The following CYB5R3 variants were observed in gnomAD, a reference collection of about 807,000 sequenced individuals.
CYB5R3 encodes the protein NADH-cytochrome b5 reductase 3.
CYB5R3 carries 28 observed loss-of-function variants against 36.5 expected under a neutral mutation model. The observed-to-expected ratio is 0.77, with a 90% CI of 0.57 to 1.05. The LOEUF (loss-of-function observed/expected upper bound fraction) is 1.05. CYB5R3 is among the 50% of genes least tolerant of loss of function. The pLI, the probability that CYB5R3 is intolerant of heterozygous loss-of-function variation, is 0.00. For missense variants in CYB5R3, 474 were observed against 408.9 expected, an observed-to-expected ratio of 1.16 and a Z score of -1.37; for synonymous variants, 181 against 159.8, an observed-to-expected ratio of 1.13 and a Z score of -1.00.
intron 2 of CYB5R3, 126 bp downstream of exon 2, chr22:42,636,589 C>T (rs1221557530): frequency 2.7e-6 from 4 of 1,458,002 alleles, no homozygotes; most frequent in Non-Finnish European, 3.7e-6. Flanking sequence ...CATCACCTTG[C>T]TTTCTCCATC....
rs8190456 is a variant in CYB5R3 at position 42,624,335 on chromosome 22, C to T, written c.634-447G>A. ...CTCAGGATTTGCACCCTCAGCCCTC[C>T]GGCAAGTCTTTTTGCGTTCTGGGAT... On this transcript the variant is annotated intron_variant, in intron 7 of 8. Transcript: ENST00000352397. 5.4e-3 allele frequency among the ~76,000 whole-genome samples: 824 copies of T among 152,316 alleles called. 9 individuals are homozygous for T. Among genetic ancestry groups the T allele is most frequent in the African/African-American group, 0.018 (743 of 41,572 alleles).
At chr22:42,644,916 G>A (rs572114697) in intron 1 of CYB5R3, among the ~76,000 whole-genome samples, 1 of 152,124 alleles carries the variant, frequency 6.6e-6, no homozygotes, top group African/African-American at 2.4e-5. Flanking sequence ...TTTCCTCCCC[G>A]GCCCTCCCAC....
At chr22:42,627,503 A>G (rs1928342870) in intron 6 of CYB5R3, 102 bp downstream of exon 6, 1 of 1,461,976 alleles carries the variant, frequency 6.8e-7, no homozygotes, top group Non-Finnish European at 9.6e-7. Context: ...TGGGCCCCTG[A>G]CCTCTGGTAG....
At position 42,631,002 on chromosome 22, in the gene CYB5R3, C is replaced by A; in HGVS notation, c.227-14G>T. 1 of 1,610,246 alleles carries A rather than the reference C, an allele frequency of 6.2e-7. No homozygotes were observed. Among genetic ancestry groups the A allele is most frequent in the Non-Finnish European group, 8.5e-7 (1 of 1,177,270 alleles). ...AGATGTGCTGGCCTGCAGGACAGAA[C>A]GGGGTCACTCTGGGCCAGAGATCAT... On this transcript the variant is annotated splice_polypyrimidine_tract_variant and intron_variant, in intron 3 of 8. Transcript: ENST00000352397.
intron 1 of CYB5R3, among the ~76,000 whole-genome samples, chr22:42,641,129 A>G (rs1020800883): frequency 6.6e-6 from 1 of 152,216 alleles, no homozygotes; most frequent in Non-Finnish European, 1.5e-5. Context: ...TGCTGGGGTT[A>G]CAGGCGTGAG....
rs537388913 is a variant in CYB5R3, at chr22:42,620,119, C to T, written c.734-174G>A. Among the ~76,000 whole-genome samples the T allele has an allele frequency of 8.5e-5, 13 of 152,320 alleles. No homozygotes were observed. In the South Asian group the frequency reaches 2.7e-3, roughly 32 times the overall value. ...CCTGACTCAAGCCTATGGCCTCAGG[C>T]CCTGCAGCCTGAAACCAGTGTACAA... On this transcript the variant is annotated intron_variant, in intron 8 of 8. Transcript: ENST00000352397.
rs1226881396 is a variant in CYB5R3 at position 42,636,776 on chromosome 22, G to A, written c.92C>T (p.Thr31Met). ...CGGGCTCTCGAGGGTGATGGCTGGC[G>A]TGGAGCGCTGGAACAGCTTCATGAG... ...SLLMKLFQRSTPAITLESPDI... is the reference protein window; with the variant it reads ...SLLMKLFQRSMPAITLESPDI... The change falls in exon 2 of 9, where the codon ACG becomes ATG. Residue 31 changes from threonine to methionine, a missense_variant. By Grantham distance (81) the Thr-to-Met change is moderately conservative (BLOSUM62 -1). Transcript: ENST00000352397. 3.7e-6 allele frequency: 6 copies of A among 1,613,916 alleles called. No individual in the cohort carries two copies. The highest frequency in any genetic ancestry group is 2.2e-5 in the East Asian group (1 of 44,892).
intron 1 of CYB5R3, among the ~76,000 whole-genome samples, chr22:42,645,029 C>T (rs1929474243): frequency 6.6e-6 from 1 of 152,180 alleles, no homozygotes; most frequent in Non-Finnish European, 1.5e-5. Context: ...TTTTCTGTTG[C>T]TTTCCCACTT....
At chr22:42,639,922 C>G (rs12628044) in intron 1 of CYB5R3, 193,567 of 1,557,638 alleles carry the variant, frequency 0.12, 17,937 homozygotes, top group East Asian at 0.57. Flanking sequence ...CAACAACACT[C>G]AAATAATAAA....
At chr22:42,636,688 G>A (rs755818675) in intron 2 of CYB5R3, 27 bp downstream of exon 2, 12 of 1,607,280 alleles carry the variant, frequency 7.5e-6, no homozygotes, top group African/African-American at 2.7e-5. Context: ...TGATGCTGAC[G>A]AGGCAGCGGC....
At chr22:42,648,585 T>C (rs1473874670) in intron 1 of CYB5R3, among the ~76,000 whole-genome samples, 1 of 152,052 alleles carries the variant, frequency 6.6e-6, no homozygotes, top group Admixed American at 6.6e-5. Flanking sequence ...CAAGACTAGT[T>C]TGCATTTCCC....
chr22:42,620,219 C>A (rs952869511), intron 8 of CYB5R3, among the ~76,000 whole-genome samples: 1 of 152,106 alleles, frequency 6.6e-6, no homozygotes, highest in African/African-American at 2.4e-5. Flanking sequence ...CCGGGGTGTC[C>A]CTTGGAACAA....
In CYB5R3 at chr22:42,618,429, T is replaced by C. The variant is rs1316404191; in HGVS notation, c.*1344A>G. The C allele has an allele frequency of 1.4e-5, 2 of 145,050 alleles. No homozygotes were observed. Among genetic ancestry groups the C allele is most frequent in the East Asian group, 2.0e-4 (1 of 4,926 alleles). 9.0% of individuals were successfully genotyped at this position (145,050 alleles called of 1,614,324 possible). On this transcript the variant is annotated 3_prime_UTR_variant, in exon 9 of 9. Transcript: ENST00000352397. ...GCGGGCGCCTGTAGTCCCAGCTACT[T>C]GGGAGGCTGAGGCAGGAGAATGGCG...
intron 6 of CYB5R3, 84 bp downstream of exon 6, chr22:42,627,521 G>T: frequency 6.8e-7 from 1 of 1,474,476 alleles, no homozygotes; most frequent in Non-Finnish European, 9.5e-7. Flanking sequence ...TAGCTCCCAG[G>T]CACTCAGAAC....
chr22:42,621,402 C>G (rs1360273197), intron 8 of CYB5R3, among the ~76,000 whole-genome samples: 1 of 152,188 alleles, frequency 6.6e-6, no homozygotes, highest in East Asian at 1.9e-4. Context: ...TTCCCTGTAC[C>G]TGTCCTGAAA....
At position 42,636,826 on chromosome 22, in the gene CYB5R3, G is replaced by T. The variant is rs1372894844; in HGVS notation, c.42C>A (p.Phe14Leu). 2 of 1,613,794 alleles carry T rather than the reference G, an allele frequency of 1.2e-6. No individual in the cohort carries two copies. Among genetic ancestry groups the T allele is most frequent in the Non-Finnish European group, 1.7e-6 (2 of 1,179,990 alleles). The change falls in exon 2 of 9, where the codon TTC (phenylalanine) becomes TTA (leucine). Residue 14 changes from phenylalanine (F) to leucine (L), a missense_variant. Coordinates refer to ENST00000352397, the MANE Select transcript of CYB5R3 (RefSeq NM_000398.7). ...GCAGACTGTACAGGAACCAGACTGG[G>T]AAGAGCACCATATGGCCCAACTGAA... ...QLSTLGHMVL[F>L]PVWFLYSLLM...
intron 1 of CYB5R3, chr22:42,640,283 G>A (rs529324150): frequency 1.3e-6 from 2 of 1,550,120 alleles, no homozygotes; most frequent in African/African-American, 1.4e-5. Flanking sequence ...ATGGTTCTGG[G>A]ATGGAAAGTC....
chr22:42,626,852 G>C (rs926751237), intron 7 of CYB5R3, among the ~76,000 whole-genome samples: 2 of 152,276 alleles, frequency 1.3e-5, no homozygotes, highest in Admixed American at 6.5e-5. Flanking sequence ...CAGTGGGCTC[G>C]TGGACAAGGA....
chr22:42,627,243 C>G, intron 7 of CYB5R3, 61 bp downstream of exon 7: 1 of 1,408,234 alleles, frequency 7.1e-7, no homozygotes, highest in Non-Finnish European at 1.0e-6. Context: ...AGCACCTGAC[C>G]AGGCCCGAAG....
Sources: gnomAD v4.1 joint callset for allele counts (sites outside exome capture counted in the v4.1 genomes callset) on GRCh38, gnomAD v4.1.1 for gene constraint, MANE v1.5 for transcripts, NCBI Gene and HGNC (gene_info 2026-07-23, HGNC 2026-07-21) for gene names.